Variants in WBP1L observed in about 807,000 individuals in gnomAD.
The protein encoded by WBP1L is WW domain binding protein 1 like.
Under a neutral mutation model 33.7 loss-of-function variants are expected in WBP1L, and 17 were observed. The ratio of observed to expected loss-of-function variants is 0.50; its 90% confidence interval spans 0.34 to 0.76. WBP1L has a LOEUF of 0.76. Among genes scored for constraint, WBP1L ranks in the 30% least tolerant of loss-of-function variants. The pLI, the probability that WBP1L is intolerant of heterozygous loss-of-function variation, is 0.01. For missense variants in WBP1L, 389 were observed against 469.4 expected (o/e 0.83, Z 1.58); for synonymous variants, 173 against 190.8 (o/e 0.91, Z 0.77).
At chr10:102,803,673 A>G (rs1843690451) in intron 2 of WBP1L, among the ~76,000 whole-genome samples, 1 of 148,680 alleles carries the variant, frequency 6.7e-6, no homozygotes, top group African/African-American at 2.5e-5. Context: ...CAGTGGCGCT[A>G]TCTTGGCTCA....
In WBP1L at chr10:102,813,570, T is replaced by G; in HGVS notation, c.*239T>G. Reference sequence around the variant, plus strand: ...GGGCTAAGTTGGTTCTGTGACTCATTCCTCATACCCTAACTCCATCTCCTT... The same window carrying G: ...GGGCTAAGTTGGTTCTGTGACTCATGCCTCATACCCTAACTCCATCTCCTT... On this transcript the variant is annotated 3_prime_UTR_variant, in exon 4 of 4. Transcript: ENST00000448841. 1 of 568,846 alleles carries G rather than the reference T, an allele frequency of 1.8e-6. No homozygotes were observed. Among genetic ancestry groups the G allele is most frequent in the South Asian group, 2.4e-5 (1 of 42,410 alleles). The allele number at this position is 568,846 out of a possible 1,614,324, so 35.2% of individuals were successfully genotyped here.
intron 1 of WBP1L, among the ~76,000 whole-genome samples, chr10:102,753,111 C>T (rs929703851): frequency 6.6e-6 from 1 of 152,152 alleles, no homozygotes; most frequent in Non-Finnish European, 1.5e-5. Flanking sequence ...CCTACTACCC[C>T]ATTCATGGAC....
At chr10:102,803,115 A>G (rs1843681648) in intron 2 of WBP1L, among the ~76,000 whole-genome samples, 1 of 152,192 alleles carries the variant, frequency 6.6e-6, no homozygotes, top group African/African-American at 2.4e-5. Context: ...TTTCTCTTCC[A>G]CGTCTGCAGT....
intron 2 of WBP1L, among the ~76,000 whole-genome samples, chr10:102,806,721 G>A (rs1268257037): frequency 6.6e-6 from 1 of 152,142 alleles, no homozygotes; most frequent in African/African-American, 2.4e-5. Context: ...GTTGAACAGC[G>A]ATACCCACTG....
chr10:102,791,192 G>A (rs1047069960), intron 1 of WBP1L, among the ~76,000 whole-genome samples: 2 of 152,138 alleles, frequency 1.3e-5, no homozygotes, highest in Non-Finnish European at 2.9e-5. Context: ...AACTGGAAAG[G>A]CCTGATCTCA....
In WBP1L at chr10:102,813,400, T is replaced by C; in HGVS notation, c.*69T>C. 6.6e-7 allele frequency: 1 copy of C among 1,510,230 alleles called. No homozygotes were observed. The allele number at this position is 1,510,230 out of a possible 1,614,324, so 93.6% of individuals were successfully genotyped here. A position where few individuals can be genotyped will look rare whatever the true frequency, so the allele number is the denominator to read the frequency against. ...GTAGGGGAGAACCACGAGAGAAGCA[T>C]TAAGTGACTTTCAAAGACTTTCAGA... is the stretch of plus-strand genomic sequence containing the variant. On this transcript the variant is annotated 3_prime_UTR_variant, in exon 4 of 4. Transcript: ENST00000448841.
chr10:102,795,003 G>A (rs1310894490), intron 1 of WBP1L, among the ~76,000 whole-genome samples: 1 of 152,150 alleles, frequency 6.6e-6, no homozygotes, highest in Non-Finnish European at 1.5e-5. Context: ...GTATTTAGAG[G>A]AGGGAGAAGG....
intron 1 of WBP1L, among the ~76,000 whole-genome samples, chr10:102,768,448 C>T (rs1386901379): frequency 3.1e-5 from 1 of 32,374 alleles, no homozygotes; most frequent in African/African-American, 1.8e-4. Context: ...TGCAGTGGCG[C>T]AATCTCGGCT....
intron 1 of WBP1L, among the ~76,000 whole-genome samples, chr10:102,764,556 C>T (rs1278187401): frequency 1.3e-5 from 2 of 152,178 alleles, no homozygotes; most frequent in African/African-American, 4.8e-5. Flanking sequence ...ACAAAGGGTT[C>T]AGCGTCCCCT....
chr10:102,783,934 G>A (rs1700175743), intron 1 of WBP1L, among the ~76,000 whole-genome samples: 3 of 152,198 alleles, frequency 2.0e-5, no homozygotes, highest in Admixed American at 6.5e-5. Flanking sequence ...AATAGGTAGA[G>A]CTTTCCTGCT....
Position 102,812,657 on chromosome 10 carries a change from C to A in WBP1L, c.418C>A (p.Pro140Thr). 1 of 1,609,050 alleles carries A rather than the reference C, an allele frequency of 6.2e-7. No homozygotes were observed. Among genetic ancestry groups the A allele is most frequent in the Non-Finnish European group, 8.5e-7 (1 of 1,177,906 alleles). Residue 140 changes from proline to threonine, a missense_variant, in exon 4 of 4, where the codon CCC becomes ACC. Pro to Thr is a conservative substitution (Grantham distance 38, BLOSUM62 -1). Coordinates refer to ENST00000448841, the MANE Select transcript of WBP1L (RefSeq NM_001083913.2). ...AGTGGTGAACCGACCTCCAACTCCT[C>A]CCCCACCATACAGTGCCTTCCAGCT... ...EEVVNRPPTP[P>T]PPYSAFQLQQ...
At chr10:102,776,362 A>T in intron 1 of WBP1L, 1 of 1,614,108 alleles carries the variant, frequency 6.2e-7, no homozygotes, top group Non-Finnish European at 8.5e-7. Flanking sequence ...CCTTTGTTCC[A>T]ACGTTAGTGT....
chr10:102,772,925 C>CCT (rs1843210988), intron 1 of WBP1L, among the ~76,000 whole-genome samples: 1 of 138,948 alleles, frequency 7.2e-6, no homozygotes, highest in Non-Finnish European at 1.5e-5. Flanking sequence ...GTATGACTTC[C>CCT]TTTTTTTTTT....
intron 1 of WBP1L, among the ~76,000 whole-genome samples, chr10:102,771,810 G>GAA (rs58113573): frequency 1.4e-5 from 2 of 138,892 alleles, no homozygotes; most frequent in Non-Finnish European, 3.2e-5. Flanking sequence ...TCTGTCTCAA[G>GAA]AAAAAAAAAA....
Position 102,810,189 on chromosome 10 carries a change from G to T in WBP1L, c.355+135G>T. ...TCTCCCTGCCCCTCCGTAGAGCAAGGTCTTGAAAGTACAGGAACAAGGGGA... is the reference window on the plus strand; with the variant it reads ...TCTCCCTGCCCCTCCGTAGAGCAAGTTCTTGAAAGTACAGGAACAAGGGGA... On this transcript the variant is annotated intron_variant, in intron 3 of 3. Coordinates refer to ENST00000448841, the MANE Select transcript of WBP1L (RefSeq NM_001083913.2). 6.6e-6 allele frequency: 8 copies of T among 1,213,774 alleles called. No homozygotes were observed. In the South Asian group the frequency reaches 1.1e-4, roughly 16 times the overall value. The allele number at this position is 1,213,774 out of a possible 1,614,324, so 75.2% of individuals were successfully genotyped here. A position where few individuals can be genotyped will look rare whatever the true frequency, so the allele number is the denominator to read the frequency against.
At chr10:102,807,593 C>T (rs1228017750) in intron 2 of WBP1L, among the ~76,000 whole-genome samples, 2 of 151,954 alleles carry the variant, frequency 1.3e-5, no homozygotes, top group African/African-American at 2.4e-5. Context: ...AGGATGGTCT[C>T]GATCTCTTGA....
chr10:102,802,598 C>T (rs745706876), intron 2 of WBP1L, among the ~76,000 whole-genome samples: 27 of 152,062 alleles, frequency 1.8e-4, no homozygotes, highest in Middle Eastern at 3.2e-3. Flanking sequence ...CAGGTCCAAG[C>T]GATTCTCCCA....
intron 2 of WBP1L, among the ~76,000 whole-genome samples, chr10:102,801,129 CAT>C (rs1164666154): frequency 3.3e-5 from 5 of 152,202 alleles, no homozygotes; most frequent in South Asian, 2.1e-4. Context: ...ACCTTTCCCA[CAT>C]GTCTTTTCAA....
At chr10:102,787,468 G>A (rs751009362) in intron 1 of WBP1L, among the ~76,000 whole-genome samples, 1 of 152,098 alleles carries the variant, frequency 6.6e-6, no homozygotes, top group South Asian at 2.1e-4. Flanking sequence ...TATGCCTGTG[G>A]TCCTAGCTAA....
Sources: allele counts gnomAD v4.1 joint callset (sites outside exome capture counted in the v4.1 genomes callset), GRCh38; gene constraint gnomAD v4.1.1; transcripts MANE v1.5; gene names NCBI Gene and HGNC (gene_info 2026-07-23, HGNC 2026-07-21).